Variants in SMYD3 observed in about 807,000 individuals in gnomAD.
SMYD3 encodes the protein SET and MYND domain containing 3, also known as histone-lysine N-methyltransferase SMYD3.
SMYD3 carries 36 observed loss-of-function variants against 57.7 expected under a neutral mutation model. The observed-to-expected ratio is 0.62, with a 90% CI of 0.48 to 0.82. The LOEUF (loss-of-function observed/expected upper bound fraction) is 0.82. Among genes scored for constraint, SMYD3 ranks in the 40% least tolerant of loss-of-function variants. The pLI is 0.00. For missense variants in SMYD3, 515 were observed against 538.8 expected (o/e 0.96, Z 0.44); for synonymous variants, 211 against 195.0 (o/e 1.08, Z -0.68).
At chr1:246,204,215 CCCCTATTTTTT>C (rs978631020) in intron 5 of SMYD3, among the ~76,000 whole-genome samples, 4 of 152,112 alleles carry the variant, frequency 2.6e-5, no homozygotes, top group East Asian at 1.9e-4. Flanking sequence ...ATCTATTTTT[CCCCTATTTTTT>C]CCCTATAATC....
At chr1:246,344,665 A>G (rs2065683310) in intron 2 of SMYD3, among the ~76,000 whole-genome samples, 1 of 152,218 alleles carries the variant, frequency 6.6e-6, no homozygotes, top group Non-Finnish European at 1.5e-5. Context: ...TTCCCAAAAC[A>G]ATGATAACGC....
chr1:245,755,956 T>C (rs2045587046), intron 11 of SMYD3, among the ~76,000 whole-genome samples: 1 of 149,482 alleles, frequency 6.7e-6, no homozygotes, highest in Non-Finnish European at 1.5e-5. Context: ...CCATTTAATT[T>C]TTTGTTTTCT....
intron 10 of SMYD3, among the ~76,000 whole-genome samples, chr1:245,839,290 C>T (rs1177299176): frequency 1.3e-5 from 2 of 152,214 alleles, no homozygotes; most frequent in Non-Finnish European, 2.9e-5. Context: ...CTGCCTCAGC[C>T]TCCCACGTAG....
At chr1:246,015,304 A>C (rs1403384826) in intron 5 of SMYD3, among the ~76,000 whole-genome samples, 2 of 152,148 alleles carry the variant, frequency 1.3e-5, no homozygotes, top group African/African-American at 4.8e-5. Flanking sequence ...TCCACTAGCC[A>C]CAGTCCTATA....
intron 1 of SMYD3, among the ~76,000 whole-genome samples, chr1:246,462,371 G>A (rs1199017948): frequency 6.6e-6 from 1 of 152,132 alleles, no homozygotes; most frequent in Non-Finnish European, 1.5e-5. Flanking sequence ...GGAGAACTGT[G>A]CTCCACAGTG....
At chr1:246,488,013 A>G (rs1350580293) in intron 1 of SMYD3, among the ~76,000 whole-genome samples, 1 of 152,022 alleles carries the variant, frequency 6.6e-6, no homozygotes, top group Admixed American at 6.6e-5. Flanking sequence ...AGCATTTCCT[A>G]TGCATGGTGG....
chr1:246,022,165 T>A (rs1341714908), intron 5 of SMYD3, among the ~76,000 whole-genome samples: 1 of 152,210 alleles, frequency 6.6e-6, no homozygotes, highest in African/African-American at 2.4e-5. Flanking sequence ...ACTTAAGACA[T>A]CAGTCCCTCT....
chr1:245,799,601 T>C (rs1391368266), intron 10 of SMYD3, among the ~76,000 whole-genome samples: 1 of 152,234 alleles, frequency 6.6e-6, no homozygotes, highest in African/African-American at 2.4e-5. Context: ...TATGTTTTAT[T>C]ATAAAGTGTA....
intron 5 of SMYD3, among the ~76,000 whole-genome samples, chr1:246,048,153 C>T (rs932918121): frequency 6.6e-6 from 1 of 152,076 alleles, no homozygotes; most frequent in African/African-American, 2.4e-5. Context: ...TGCAAATAAC[C>T]AGTATATAAA....
In SMYD3 at chr1:245,948,076, C is replaced by T. The variant is rs186204107; in HGVS notation, c.532-18139G>A. On this transcript the variant is annotated intron_variant, in intron 5 of 11. Coordinates refer to ENST00000490107, the MANE Select transcript of SMYD3 (RefSeq NM_001167740.2). ...CCGGTTTCGCCAGAACCTCGGTACT[C>T]AGAATCTTCATGTTCCTCATCCTTC... Among the ~76,000 whole-genome samples, 364 of 152,262 alleles carry T rather than the reference C, an allele frequency of 2.4e-3. 2 individuals are homozygous for T. The highest frequency in any genetic ancestry group is 4.4e-3 in the Non-Finnish European group (297 of 68,028).
At chr1:246,383,386 G>C (rs1354141542) in intron 1 of SMYD3, among the ~76,000 whole-genome samples, 2 of 152,152 alleles carry the variant, frequency 1.3e-5, no homozygotes, top group Non-Finnish European at 2.9e-5. Context: ...CACAAAGCCT[G>C]ACTTCATTTG....
intron 5 of SMYD3, among the ~76,000 whole-genome samples, chr1:246,004,284 AAG>A (rs1188199036): frequency 3.9e-5 from 6 of 152,070 alleles, no homozygotes; most frequent in African/African-American, 1.2e-4. Context: ...AAATGCAAAA[AAG>A]AGAGAGAAGA....
At chr1:245,795,304 G>A (rs2047476848) in intron 10 of SMYD3, among the ~76,000 whole-genome samples, 1 of 152,158 alleles carries the variant, frequency 6.6e-6, no homozygotes, top group Non-Finnish European at 1.5e-5. Context: ...TCCAGGCATA[G>A]GTCAGCAGTT....
chr1:245,936,376 C>A (rs1260367664), intron 5 of SMYD3, among the ~76,000 whole-genome samples: 1 of 114,756 alleles, frequency 8.7e-6, no homozygotes, highest in Admixed American at 9.3e-5. Flanking sequence ...TTTTTTTTTG[C>A]AGATGGCGTG....
intron 1 of SMYD3, 76 bp downstream of exon 1, chr1:246,506,978 G>GCCCCCCCCCCCCCCC: frequency 5.1e-6 from 6 of 1,174,506 alleles, no homozygotes; most frequent in East Asian, 3.5e-5. Flanking sequence ...CGCGGCTGCC[G>GCCCCCCCCCCCCCCC]GCCGCCCGAC....
intron 5 of SMYD3, among the ~76,000 whole-genome samples, chr1:246,081,859 C>A (rs2060642642): frequency 6.6e-6 from 1 of 152,296 alleles, no homozygotes; most frequent in East Asian, 1.9e-4. Flanking sequence ...TGGATTAACA[C>A]TCCAAGACCT....
intron 5 of SMYD3, among the ~76,000 whole-genome samples, chr1:246,210,717 C>A (rs1183755117): frequency 1.4e-4 from 21 of 150,834 alleles, no homozygotes; most frequent in African/African-American, 3.4e-4. Context: ...AAAAAAAAAA[C>A]AAAAACAAAA....
rs1024985000 is a variant in SMYD3, at chr1:246,294,185, A to G, written c.531+33016T>C. 5.3e-5 allele frequency among the ~76,000 whole-genome samples: 8 copies of G among 152,000 alleles called. 1 individual carries two copies. Among genetic ancestry groups the G allele is most frequent in the African/African-American group, 2.4e-5 (1 of 41,368 alleles). On this transcript the variant is annotated intron_variant, in intron 5 of 11. Coordinates refer to ENST00000490107, the MANE Select transcript of SMYD3 (RefSeq NM_001167740.2). ...TTCCACCTCCACAGCATTAGCCATC[A>G]TCTGTATACTCTAGAGAATGTCTTC...
At chr1:246,249,388 G>A (rs1332702036) in intron 5 of SMYD3, among the ~76,000 whole-genome samples, 2 of 152,118 alleles carry the variant, frequency 1.3e-5, no homozygotes, top group African/African-American at 4.8e-5. Context: ...ACAGGCATGA[G>A]CCACCGTACC....
Sources: gnomAD v4.1 joint callset for allele counts (sites outside exome capture counted in the v4.1 genomes callset) on GRCh38, gnomAD v4.1.1 for gene constraint, MANE v1.5 for transcripts, NCBI Gene and HGNC (gene_info 2026-07-23, HGNC 2026-07-21) for gene names.